ARNT2: variants seen among roughly 807,000 people sequenced by gnomAD.
ARNT2 encodes the protein aryl hydrocarbon receptor nuclear translocator 2, also known as ARNT protein 2.
In ARNT2, 36 loss-of-function variants were observed where a neutral mutation model predicts 91.7. That is an observed-to-expected ratio of 0.39 (90% CI 0.30 to 0.52). The LOEUF is 0.52. Ranked by LOEUF, ARNT2 falls within the 20% of genes least tolerant of loss-of-function variation. The pLI is 0.72. For synonymous variants in ARNT2, 365 were observed against 347.1 expected (o/e 1.05, Z -0.57); for missense variants, 775 against 939.3 (o/e 0.83, Z 2.29).
chr15:80,498,120 G>T lies in ARNT2; in HGVS notation c.623-10036G>T, dbSNP rs144764119. On this transcript the variant is annotated intron_variant, in intron 5 of 18. Transcript: ENST00000303329. ...ATGGAGCTTTCTGACTCTACCTGAG[G>T]GTTAACTCCCTGTTACTAAACTGGA... Among the ~76,000 whole-genome samples, 1,090 of 152,256 alleles carry T rather than the reference G, an allele frequency of 7.2e-3. 10 individuals carry two copies. Among genetic ancestry groups the T allele is most frequent in the African/African-American group, 0.025 (1,044 of 41,536 alleles).
chr15:80,499,582 G>A (rs1468372553), intron 5 of ARNT2, among the ~76,000 whole-genome samples: 1 of 152,222 alleles, frequency 6.6e-6, no homozygotes, highest in African/African-American at 2.4e-5. Flanking sequence ...AATCACTGCT[G>A]TTGAAAGAGC....
intron 1 of ARNT2, among the ~76,000 whole-genome samples, chr15:80,414,119 G>A (rs553205975): frequency 6.6e-6 from 1 of 152,326 alleles, no homozygotes; most frequent in African/African-American, 2.4e-5. Context: ...AGACCTCTAA[G>A]TTGGGTGGCA....
At chr15:80,505,941 T>TTTTTTTTTTTTTTTTC (rs1897268923) in intron 5 of ARNT2, among the ~76,000 whole-genome samples, 1 of 141,094 alleles carries the variant, frequency 7.1e-6, no homozygotes, top group Non-Finnish European at 1.5e-5. Context: ...TTTTTTTTTT[T>TTTTTTTTTTTTTTTTC]TTTTTTGAGA....
chr15:80,407,182 G>A (rs1346124890), intron 1 of ARNT2, among the ~76,000 whole-genome samples: 1 of 152,178 alleles, frequency 6.6e-6, no homozygotes, highest in African/African-American at 2.4e-5. Context: ...TCTGCTGCTA[G>A]TTCGTGTCCA....
intron 8 of ARNT2, among the ~76,000 whole-genome samples, chr15:80,536,015 A>G (rs1223832018): frequency 1.3e-5 from 2 of 152,084 alleles, no homozygotes; most frequent in Non-Finnish European, 2.9e-5. Context: ...TTTTACACCG[A>G]CCCAATCCAA....
chr15:80,537,348 T>C (rs1053177424), intron 8 of ARNT2, among the ~76,000 whole-genome samples: 1 of 152,186 alleles, frequency 6.6e-6, no homozygotes, highest in African/African-American at 2.4e-5. Flanking sequence ...GGCGACTAAA[T>C]TCCTCTTGGC....
chr15:80,423,954 C>T (rs574781427), intron 1 of ARNT2, among the ~76,000 whole-genome samples: 6 of 152,344 alleles, frequency 3.9e-5, no homozygotes, highest in Admixed American at 3.3e-4. Context: ...CTAGCAGTTA[C>T]TTAAGGCACT....
intron 1 of ARNT2, among the ~76,000 whole-genome samples, chr15:80,428,456 CA>C: frequency 6.6e-6 from 1 of 152,340 alleles, no homozygotes; most frequent in South Asian, 2.1e-4. Context: ...TTCTTATCCA[CA>C]GGGTTGTGTC....
intron 8 of ARNT2, among the ~76,000 whole-genome samples, chr15:80,539,214 A>G (rs1485295657): frequency 6.6e-6 from 1 of 152,138 alleles, no homozygotes; most frequent in East Asian, 1.9e-4. Context: ...AAAAACCTAC[A>G]AACTATGAAC....
At chr15:80,588,763 A>C (rs1267352608) in intron 17 of ARNT2, among the ~76,000 whole-genome samples, 1 of 152,092 alleles carries the variant, frequency 6.6e-6, no homozygotes, top group Non-Finnish European at 1.5e-5. Context: ...GTCATCTGAG[A>C]TCTCTGAAAA....
chr15:80,458,024 A>G, intron 3 of ARNT2, 48 bp downstream of exon 3: 1 of 1,567,148 alleles, frequency 6.4e-7, no homozygotes, highest in African/African-American at 1.4e-5. Flanking sequence ...AATAGCCAGC[A>G]TTCACCTTAG....
intron 6 of ARNT2, among the ~76,000 whole-genome samples, chr15:80,509,736 A>G (rs570519646): frequency 2.4e-4 from 36 of 152,232 alleles, no homozygotes; most frequent in Middle Eastern, 3.4e-3. Flanking sequence ...AAACAAGGGA[A>G]TGTCTGGGCA....
intron 6 of ARNT2, among the ~76,000 whole-genome samples, chr15:80,509,475 A>C (rs1436075910): frequency 6.6e-6 from 1 of 152,014 alleles, no homozygotes; most frequent in African/African-American, 2.4e-5. Flanking sequence ...AATAATAATA[A>C]TAATAAAGCA....
At chr15:80,428,471 C>T (rs1175287625) in intron 1 of ARNT2, among the ~76,000 whole-genome samples, 2 of 152,214 alleles carry the variant, frequency 1.3e-5, no homozygotes, top group African/African-American at 4.8e-5. Flanking sequence ...TTGTGTCAAA[C>T]CTTACACAGT....
intron 11 of ARNT2, among the ~76,000 whole-genome samples, chr15:80,558,689 T>C (rs1203695853): frequency 6.6e-6 from 1 of 152,092 alleles, no homozygotes; most frequent in African/African-American, 2.4e-5. Flanking sequence ...TAGAGCCCTG[T>C]ACAAGGGTGG....
At chr15:80,504,879 C>T (rs1232881141) in intron 5 of ARNT2, among the ~76,000 whole-genome samples, 2 of 151,988 alleles carry the variant, frequency 1.3e-5, no homozygotes, top group East Asian at 1.9e-4. Flanking sequence ...AGCTGTGAGT[C>T]CTTCCGGGCA....
At chr15:80,501,689 G>A (rs4497643) in intron 5 of ARNT2, among the ~76,000 whole-genome samples, 17,476 of 152,204 alleles carry the variant, frequency 0.11, 1,042 homozygotes, top group Middle Eastern at 0.16. Context: ...TCTGTGCCGG[G>A]AGCCTGCCAG....
At chr15:80,433,026 A>G (rs1896031770) in intron 1 of ARNT2, among the ~76,000 whole-genome samples, 1 of 152,270 alleles carries the variant, frequency 6.6e-6, no homozygotes, top group Non-Finnish European at 1.5e-5. Flanking sequence ...ACAGTTTAAA[A>G]TTTAACACAA....
chr15:80,582,189 G>A lies in ARNT2; in HGVS notation c.1918+785G>A, dbSNP rs969323537. Among the ~76,000 whole-genome samples the A allele has an allele frequency of 3.9e-5, 6 of 152,232 alleles. No individual in the cohort carries two copies. In the South Asian group the frequency reaches 1.2e-3, roughly 32 times the overall value. On this transcript the variant is annotated intron_variant, in intron 17 of 18. Transcript: ENST00000303329. ...TTCCATTAGAACTGCTTGTCTGTCA[G>A]CCTTATGAACAATTCTGTGCAGGCA... is the stretch of plus-strand genomic sequence containing the variant.
Sources: allele counts gnomAD v4.1 joint callset (sites outside exome capture counted in the v4.1 genomes callset), GRCh38; gene constraint gnomAD v4.1.1; transcripts MANE v1.5; gene names NCBI Gene and HGNC (gene_info 2026-07-23, HGNC 2026-07-21).